STK3: variants seen among roughly 807,000 people sequenced by gnomAD.
STK3 encodes the protein serine/threonine-protein kinase 3.
Under a neutral mutation model 58.0 loss-of-function variants are expected in STK3, and 41 were observed. The observed-to-expected ratio is 0.71, with a 90% CI of 0.55 to 0.92. STK3 has a LOEUF of 0.92. Among genes scored for constraint, STK3 ranks in the 40% least tolerant of loss-of-function variants. STK3 has a pLI of 0.00. For missense variants in STK3, 479 were observed against 602.7 expected, an observed-to-expected ratio of 0.79 and a Z score of 2.15; for synonymous variants, 170 against 191.0, an observed-to-expected ratio of 0.89 and a Z score of 0.91.
chr8:98,576,723 G>C (rs1813420899), intron 8 of STK3, among the ~76,000 whole-genome samples: 1 of 151,982 alleles, frequency 6.6e-6, no homozygotes. Context: ...ACTGAGTTTT[G>C]TGGTTGATGC....
At chr8:98,647,654 G>A (rs769927449) in intron 6 of STK3, among the ~76,000 whole-genome samples, 1 of 152,092 alleles carries the variant, frequency 6.6e-6, no homozygotes, top group East Asian at 1.9e-4. Flanking sequence ...CCACAGGCAG[G>A]TGCCACCACG....
chr8:98,390,285 T>C (rs1021463620), upstream of STK3, among the ~76,000 whole-genome samples: 3 of 152,222 alleles, frequency 2.0e-5, no homozygotes, highest in East Asian at 1.9e-4. Flanking sequence ...TCCTGAAGCA[T>C]ATTTTCATTG....
rs180856336 is a variant in STK3, at chr8:98,789,634, T to C, written c.27-14815A>G. 1.0e-2 allele frequency among the ~76,000 whole-genome samples: 1,521 copies of C among 152,170 alleles called. 20 individuals carry two copies. Among genetic ancestry groups the C allele is most frequent in the Admixed American group, 0.016 (252 of 15,276 alleles). On this transcript the variant is annotated intron_variant, in intron 1 of 10. Coordinates refer to ENST00000419617, the MANE Select transcript of STK3 (RefSeq NM_006281.4). ...CAAGGCTACTATGAACCCCTTTATGTGCATAAACTAGAAAACCTAGAGGAG... is the reference window on the plus strand; with the variant it reads ...CAAGGCTACTATGAACCCCTTTATGCGCATAAACTAGAAAACCTAGAGGAG...
chr8:98,614,549 G>A (rs1014282547), intron 6 of STK3, among the ~76,000 whole-genome samples: 74 of 152,206 alleles, frequency 4.9e-4, no homozygotes, highest in African/African-American at 1.7e-3. Context: ...CTGAGGTACC[G>A]GGTTCATCTC....
intron 10 of STK3, among the ~76,000 whole-genome samples, chr8:98,513,913 C>G (rs902002887): frequency 6.6e-6 from 1 of 152,140 alleles, no homozygotes; most frequent in Non-Finnish European, 1.5e-5. Flanking sequence ...TGAGGAAGAG[C>G]TCAGTGATAA....
intron 3 of STK3, among the ~76,000 whole-genome samples, chr8:98,833,152 A>G (rs1337384243): frequency 6.6e-6 from 1 of 152,180 alleles, no homozygotes; most frequent in Non-Finnish European, 1.5e-5. Flanking sequence ...GCAAAACCAT[A>G]AATCAATATA....
chr8:98,828,986 C>A (rs559168211), upstream of STK3, among the ~76,000 whole-genome samples: 1 of 152,206 alleles, frequency 6.6e-6, no homozygotes, highest in African/African-American at 2.4e-5. Context: ...CCTGCAGATT[C>A]ATTCTCCATC....
At chr8:98,656,224 C>G (rs1247927250) in intron 6 of STK3, among the ~76,000 whole-genome samples, 2 of 151,994 alleles carry the variant, frequency 1.3e-5, no homozygotes, top group Non-Finnish European at 2.9e-5. Context: ...TCTCAGTAAA[C>G]TATCGCAAGG....
At chr8:98,657,108 T>TA (rs1466763539) in intron 6 of STK3, among the ~76,000 whole-genome samples, 10 of 151,908 alleles carry the variant, frequency 6.6e-5, no homozygotes, top group African/African-American at 2.4e-4. Context: ...TTAGAAGAGC[T>TA]AAGAAAAAAT....
intron 1 of STK3, among the ~76,000 whole-genome samples, chr8:98,909,642 CA>C (rs1839056534): frequency 6.6e-6 from 1 of 152,184 alleles, no homozygotes; most frequent in African/African-American, 2.4e-5. Context: ...TTTCACTTGG[CA>C]TGATATGTTC....
chr8:98,903,851 A>T (rs994522445), intron 1 of STK3, among the ~76,000 whole-genome samples: 2 of 152,186 alleles, frequency 1.3e-5, no homozygotes, highest in African/African-American at 4.8e-5. Context: ...ATCATCTGTC[A>T]CACAGGAAAA....
At chr8:98,384,801 G>C (rs10481095) in intron 1 of STK3, among the ~76,000 whole-genome samples, 15 of 152,274 alleles carry the variant, frequency 9.9e-5, no homozygotes, top group African/African-American at 3.6e-4. Flanking sequence ...CCAGATCCCA[G>C]CATCATTCTT....
intron 10 of STK3, among the ~76,000 whole-genome samples, chr8:98,525,842 T>G (rs1825704306): frequency 6.6e-6 from 1 of 151,992 alleles, no homozygotes; most frequent in Non-Finnish European, 1.5e-5. Flanking sequence ...AGAGTCATGT[T>G]GTCTAAGCAA....
upstream of STK3, among the ~76,000 whole-genome samples, chr8:98,826,117 C>T (rs952518946): frequency 5.3e-5 from 8 of 152,176 alleles, no homozygotes; most frequent in Non-Finnish European, 1.0e-4. Context: ...GGGCAAGTCC[C>T]TCTGAGCTGG....
intron 2 of STK3, among the ~76,000 whole-genome samples, chr8:98,374,763 ACTACATTT>A (rs1817655304): frequency 6.6e-6 from 1 of 152,204 alleles, no homozygotes; most frequent in African/African-American, 2.4e-5. Context: ...TACTGTGTAA[ACTACATTT>A]CATGAGAATG....
intron 6 of STK3, among the ~76,000 whole-genome samples, chr8:98,671,518 C>T (rs780195505): frequency 4.6e-5 from 7 of 152,020 alleles, no homozygotes; most frequent in Non-Finnish European, 7.4e-5. Context: ...AACTCACTGA[C>T]ACAGTTATTT....
intron 1 of STK3, among the ~76,000 whole-genome samples, chr8:98,909,137 G>A (rs1250519644): frequency 6.6e-6 from 1 of 152,074 alleles, no homozygotes; most frequent in East Asian, 1.9e-4. Context: ...CTCTAGCCTG[G>A]GCAACAGAGT....
chr8:98,526,872 T>C lies in STK3; in HGVS notation c.1187A>G (p.Tyr396Cys). ...PQVQRPSFMD[Y>C]FDKQDFKNKS... is the part of the protein sequence containing the mutation. ...ATTCTTGAAGTCTTGCTTATCAAAG[T>C]AGTCCATGAAAGATGGTCTTTGTAC... The change falls in exon 10 of 11, where the codon TAC becomes TGC. Residue 396 changes from tyrosine (Y) to cysteine (C), a missense_variant. Around this residue, in one of 3 missense-constraint regions of STK3, gnomAD observed 309 missense variants for 355.7 expected, o/e 0.87. Transcript: ENST00000419617. 1.3e-6 allele frequency: 2 copies of C among 1,598,008 alleles called. No homozygotes were observed. The highest frequency in any genetic ancestry group is 1.7e-6 in the Non-Finnish European group (2 of 1,169,946).
chr8:98,456,084 T>G (rs1241147370), intron 10 of STK3, 84 bp from the exon 11 acceptor site: 2 of 1,291,098 alleles, frequency 1.5e-6, no homozygotes, highest in African/African-American at 3.0e-5. Flanking sequence ...CTTTAATGTC[T>G]AATGAGTTTT....
Sources: allele counts gnomAD v4.1 joint callset (sites outside exome capture counted in the v4.1 genomes callset), GRCh38; gene constraint gnomAD v4.1.1; regional missense constraint gnomAD v4.1.1; transcripts MANE v1.5; gene names NCBI Gene and HGNC (gene_info 2026-07-23, HGNC 2026-07-21).